Variants in NFATC1 observed in about 807,000 individuals in gnomAD.
NFATC1 encodes nuclear factor of activated T-cells, cytoplasmic 1.
In NFATC1, 22 loss-of-function variants were observed where a neutral mutation model predicts 76.0. The ratio of observed to expected loss-of-function variants is 0.29; its 90% CI spans 0.21 to 0.41. NFATC1 has a LOEUF of 0.41. NFATC1 is among the 10% of genes least tolerant of loss of function. NFATC1 has a pLI of 1.00. For missense variants in NFATC1, 1,357 were observed against 1,337.7 expected (o/e 1.01, Z -0.23); for synonymous variants, 704 against 613.1 (o/e 1.15, Z -2.19).
chr18:79,506,904 A>G (rs867691568), intron 9 of NFATC1, among the ~76,000 whole-genome samples: 23 of 152,306 alleles, frequency 1.5e-4, no homozygotes, highest in Middle Eastern at 6.8e-3. Flanking sequence ...TCCAGATTAC[A>G]GTGTGGACAC....
intron 2 of NFATC1, 96 bp downstream of exon 2, chr18:79,411,597 G>T (rs999505939): frequency 2.0e-6 from 2 of 1,001,088 alleles, no homozygotes; most frequent in African/African-American, 1.7e-5. Context: ...CGGGGCGGCC[G>T]TGTCTGGGGA....
chr18:79,412,188 T>C (rs183839868), intron 2 of NFATC1, among the ~76,000 whole-genome samples: 188 of 152,356 alleles, frequency 1.2e-3, no homozygotes, highest in African/African-American at 4.4e-3. Context: ...GGAATTCCGC[T>C]GGGTCCACTT....
intron 1 of NFATC1, among the ~76,000 whole-genome samples, chr18:79,398,515 G>A (rs1404095400): frequency 6.6e-6 from 1 of 152,218 alleles, no homozygotes; most frequent in Non-Finnish European, 1.5e-5. Flanking sequence ...CCATTTGCAG[G>A]AAGGAAGCCC....
At chr18:79,414,617 T>C (rs1256059164) in intron 2 of NFATC1, among the ~76,000 whole-genome samples, 1 of 152,214 alleles carries the variant, frequency 6.6e-6, no homozygotes, top group Non-Finnish European at 1.5e-5. Context: ...TTTTAGAGTT[T>C]GGAGCCATTT....
chr18:79,469,159 TACAG>T (rs2088671372), intron 8 of NFATC1: 1 of 294,576 alleles, frequency 3.4e-6, no homozygotes, highest in Non-Finnish European at 5.0e-6. Context: ...CAATATATCT[TACAG>T]AAGAAAATAT....
intron 8 of NFATC1, among the ~76,000 whole-genome samples, chr18:79,473,316 T>G (rs2088861260): frequency 6.6e-6 from 1 of 152,268 alleles, no homozygotes; most frequent in Non-Finnish European, 1.5e-5. Context: ...TTATTAAATT[T>G]CAGTTTTTGT....
intron 2 of NFATC1, among the ~76,000 whole-genome samples, chr18:79,428,804 C>G (rs1010697302): frequency 1.3e-5 from 2 of 151,990 alleles, no homozygotes; most frequent in Non-Finnish European, 2.9e-5. Flanking sequence ...ATCACACCCT[C>G]TAGCCTAGGC....
At chr18:79,517,175 G>C (rs2090404684) in intron 9 of NFATC1, among the ~76,000 whole-genome samples, 1 of 152,208 alleles carries the variant, frequency 6.6e-6, no homozygotes, top group African/African-American at 2.4e-5. Flanking sequence ...GATTTGGCCT[G>C]AGATATTTCT....
intron 8 of NFATC1, among the ~76,000 whole-genome samples, chr18:79,479,636 TTGGGAA>T (rs1180882652): frequency 1.3e-5 from 2 of 152,232 alleles, no homozygotes; most frequent in Admixed American, 1.3e-4. Flanking sequence ...TCTCTCTGTA[TTGGGAA>T]GGCTGCAGCT....
chr18:79,526,236 C>T (rs1392544485), intron 9 of NFATC1, among the ~76,000 whole-genome samples: 1 of 152,262 alleles, frequency 6.6e-6, no homozygotes, highest in Non-Finnish European at 1.5e-5. Flanking sequence ...TCGTTATCCT[C>T]CTTAGTGTTT....
At chr18:79,397,591 C>T (rs1449412321) in intron 1 of NFATC1, among the ~76,000 whole-genome samples, 5 of 152,220 alleles carry the variant, frequency 3.3e-5, no homozygotes, top group Admixed American at 1.3e-4. Context: ...TAAACCATGT[C>T]CCGTGTCAGT....
At chr18:79,523,339 T>C (rs1167257839) in intron 9 of NFATC1, among the ~76,000 whole-genome samples, 2 of 152,206 alleles carry the variant, frequency 1.3e-5, no homozygotes, top group Non-Finnish European at 2.9e-5. Context: ...ATTCCCAGCA[T>C]AGAGAAACAA....
intron 2 of NFATC1, chr18:79,420,691 T>C (rs1449708908): frequency 6.6e-6 from 1 of 150,966 alleles, no homozygotes; most frequent in East Asian, 2.0e-4. Context: ...CCAGGCAGCA[T>C]GGCTGCAGAG....
At chr18:79,484,904 T>G (rs967588541) in intron 8 of NFATC1, among the ~76,000 whole-genome samples, 4 of 152,122 alleles carry the variant, frequency 2.6e-5, no homozygotes, top group Non-Finnish European at 5.9e-5. Flanking sequence ...TGCTCCGGCG[T>G]CTCGAGCTGC....
chr18:79,411,341 G>T lies in NFATC1; in HGVS notation c.1066G>T (p.Asp356Tyr), dbSNP rs2085670256. 1 of 1,597,702 alleles carries T rather than the reference G, an allele frequency of 6.3e-7. No homozygotes were observed. The highest frequency in any genetic ancestry group is 8.5e-7 in the Non-Finnish European group (1 of 1,173,882). The part of the protein sequence containing the change: ...VALKVEPVGE[D>Y]LGSPPPPADF... The stretch of plus-strand genomic sequence containing the variant: ...GCTCAAGGTGGAGCCCGTCGGGGAG[G>T]ACCTGGGCAGCCCCCCGCCCCCGGC... Residue 356 changes from aspartate (D) to tyrosine (Y), a missense_variant, in exon 2 of 10, where the codon GAC becomes TAC. Physicochemically the swap from Asp to Tyr is radical, Grantham distance 160 (BLOSUM62 -3). Around this residue, in one of 3 missense-constraint regions of NFATC1, gnomAD observed 691 missense variants for 613.1 expected, o/e 1.13. Transcript: ENST00000427363.
At chr18:79,477,043 C>T (rs1156654045) in intron 8 of NFATC1, among the ~76,000 whole-genome samples, 4 of 152,172 alleles carry the variant, frequency 2.6e-5, no homozygotes, top group Non-Finnish European at 4.4e-5. Flanking sequence ...CATGGTGGGC[C>T]GTGGATCCCT....
intron 7 of NFATC1, among the ~76,000 whole-genome samples, chr18:79,467,217 A>G (rs9957497): frequency 0.19 from 28,894 of 150,886 alleles, 3,511 homozygotes; most frequent in African/African-American, 0.33. Flanking sequence ...GGCACAGAGC[A>G]TCCAGGGCTG....
intron 3 of NFATC1, among the ~76,000 whole-genome samples, chr18:79,442,954 C>T (rs1341451584): frequency 1.3e-5 from 2 of 152,232 alleles, no homozygotes; most frequent in Non-Finnish European, 2.9e-5. Flanking sequence ...GAGGCACGCT[C>T]AGCTGGAGCC....
chr18:79,441,068 C>T (rs941447613), intron 3 of NFATC1, among the ~76,000 whole-genome samples: 2 of 152,248 alleles, frequency 1.3e-5, no homozygotes, highest in Non-Finnish European at 2.9e-5. Context: ...CACAGATGGC[C>T]CCTGGGCCCT....
Sources: gnomAD v4.1 joint callset for allele counts (sites outside exome capture counted in the v4.1 genomes callset) on GRCh38, gnomAD v4.1.1 for gene constraint, gnomAD v4.1.1 regional missense constraint, MANE v1.5 for transcripts, NCBI Gene and HGNC (gene_info 2026-07-23, HGNC 2026-07-21) for gene names.